PDHX: variants seen among roughly 807,000 people sequenced by gnomAD.
The protein encoded by PDHX is pyruvate dehydrogenase complex component X.
PDHX carries 33 observed loss-of-function variants against 55.3 expected under a neutral mutation model. That is an observed-to-expected ratio of 0.60 (90% confidence interval 0.45 to 0.80). PDHX has a LOEUF of 0.80. PDHX is among the 30% of genes least tolerant of loss of function. The pLI is 0.00. For synonymous variants in PDHX, 226 were observed against 219.4 expected, an observed-to-expected ratio of 1.03 and a Z score of -0.27; for missense variants, 622 against 619.9, an observed-to-expected ratio of 1.00 and a Z score of -0.04.
chr11:34,969,211 T>C (rs548838625), intron 6 of PDHX, among the ~76,000 whole-genome samples: 11 of 152,340 alleles, frequency 7.2e-5, no homozygotes, highest in African/African-American at 2.6e-4. Flanking sequence ...GTGTATTAAA[T>C]GCACTTTGAC....
intron 1 of PDHX, among the ~76,000 whole-genome samples, chr11:34,924,826 T>G (rs1853980823): frequency 6.6e-6 from 1 of 152,206 alleles, no homozygotes; most frequent in African/African-American, 2.4e-5. Context: ...CCAGTCTTCC[T>G]TAGAAGTAAC....
chr11:34,976,269 G>A (rs1408759136), intron 7 of PDHX, among the ~76,000 whole-genome samples: 1 of 152,096 alleles, frequency 6.6e-6, no homozygotes, highest in Non-Finnish European at 1.5e-5. Flanking sequence ...CTGTATGCAT[G>A]CTTCACACTT....
intron 5 of PDHX, among the ~76,000 whole-genome samples, chr11:34,964,869 A>C (rs1461752969): frequency 1.3e-5 from 2 of 148,242 alleles, no homozygotes; most frequent in African/African-American, 2.5e-5. Context: ...AGCATAACTA[A>C]ATATTACATA....
At chr11:34,962,941 T>C (rs1855050329) in intron 5 of PDHX, among the ~76,000 whole-genome samples, 1 of 152,208 alleles carries the variant, frequency 6.6e-6, no homozygotes, top group Non-Finnish European at 1.5e-5. Context: ...AGTTAGGCTT[T>C]TAGTATTATT....
intron 3 of PDHX, among the ~76,000 whole-genome samples, chr11:34,957,038 T>C (rs965919990): frequency 1.3e-5 from 2 of 152,364 alleles, no homozygotes; most frequent in African/African-American, 4.8e-5. Flanking sequence ...GGTTAAGATA[T>C]GTAGCCACAG....
chr11:34,975,436 C>G (rs576369063), intron 7 of PDHX, among the ~76,000 whole-genome samples: 42 of 151,974 alleles, frequency 2.8e-4, no homozygotes, highest in African/African-American at 9.4e-4. Context: ...ATTCTTTTTT[C>G]TCTTTATGTT....
At chr11:34,972,588 G>A (rs183204718) in intron 7 of PDHX, among the ~76,000 whole-genome samples, 13 of 151,844 alleles carry the variant, frequency 8.6e-5, no homozygotes, top group African/African-American at 1.7e-4. Context: ...TACTAGAGAC[G>A]GTGTTTTAGC....
At chr11:34,983,824 G>A (rs139515552) in intron 8 of PDHX, among the ~76,000 whole-genome samples, 7,630 of 152,114 alleles carry the variant, frequency 0.05, 543 homozygotes, top group African/African-American at 0.16. Context: ...AGGAAGAATC[G>A]ATATTGTGAA....
intron 2 of PDHX, 92 bp downstream of exon 2, chr11:34,931,576 A>G (rs1854173035): frequency 2.9e-6 from 2 of 700,404 alleles, no homozygotes; most frequent in Admixed American, 2.4e-5. Context: ...GTTATACAGT[A>G]TGTGATATAA....
chr11:34,942,059 A>G (rs1854500440), intron 2 of PDHX: 7 of 152,356 alleles, frequency 4.6e-5, no homozygotes, highest in Admixed American at 4.6e-4. Context: ...AGGACCCTCT[A>G]TCCTAGCTGC....
intron 9 of PDHX, among the ~76,000 whole-genome samples, chr11:34,989,283 G>A (rs191487527): frequency 1.7e-4 from 26 of 152,342 alleles, no homozygotes; most frequent in African/African-American, 5.5e-4. Context: ...ATGACTGCAT[G>A]TATAGAGTTC....
At chr11:34,922,001 T>C (rs1853893068) in intron 1 of PDHX, among the ~76,000 whole-genome samples, 2 of 152,210 alleles carry the variant, frequency 1.3e-5, no homozygotes, top group African/African-American at 4.8e-5. Context: ...AGTGGATAAG[T>C]GGATGACCAC....
chr11:34,974,405 G>T (rs1590761901), intron 7 of PDHX, among the ~76,000 whole-genome samples: 1 of 152,112 alleles, frequency 6.6e-6, no homozygotes, highest in East Asian at 1.9e-4. Context: ...GTTAATTCAT[G>T]TGTTAATGGA....
At chr11:34,947,197 G>C (rs1854640258) in intron 2 of PDHX, among the ~76,000 whole-genome samples, 1 of 152,120 alleles carries the variant, frequency 6.6e-6, no homozygotes, top group Non-Finnish European at 1.5e-5. Context: ...TTCAGAGGTG[G>C]ATACACATTT....
intron 2 of PDHX, among the ~76,000 whole-genome samples, chr11:34,937,406 A>T (rs1345145669): frequency 6.7e-6 from 1 of 149,534 alleles, no homozygotes; most frequent in Non-Finnish European, 1.5e-5. Context: ...GGCCATGTGC[A>T]CCACTAGGGC....
In PDHX at chr11:34,969,766, TTG is replaced by T. The variant is rs375507777; in HGVS notation, c.817-362_817-361del. 3.9e-3 allele frequency among the ~76,000 whole-genome samples: 590 copies of T among 152,124 alleles called. 3 individuals are homozygous for T. The highest frequency in any genetic ancestry group is 4.3e-3 in the Non-Finnish European group (292 of 67,942). ...TATGTACACACACATATATTGCTCC[TTG>T]TGTGTGTGTGGTATGTGTGTGTGTA... On this transcript the variant is annotated intron_variant, in intron 6 of 10. Coordinates refer to ENST00000227868, the MANE Select transcript of PDHX (RefSeq NM_003477.3).
Position 34,969,791 on chromosome 11 carries a change from G to A in PDHX, c.817-348G>A, listed in dbSNP as rs372675145. Among the ~76,000 whole-genome samples, 9 of 152,084 alleles carry A rather than the reference G, an allele frequency of 5.9e-5. 1 individual carries two copies. In the East Asian group the frequency reaches 1.5e-3, roughly 26 times the overall value. ...TTGTGTGTGTGTGGTATGTGTGTGTGTACGTATATATACACACACAAACAC... is the reference window on the plus strand; with the variant it reads ...TTGTGTGTGTGTGGTATGTGTGTGTATACGTATATATACACACACAAACAC... On this transcript the variant is annotated intron_variant, in intron 6 of 10. Transcript: ENST00000227868.
rs367799373 is a variant in PDHX at position 34,952,287 on chromosome 11, C to G, written c.342+4681C>G. ...CAAGGAGGAACTGGTACCATTCCTT[C>G]TGAAACTATTCCAATCAATAGAAAA... On this transcript the variant is annotated intron_variant, in intron 3 of 10. Transcript: ENST00000227868. 8.5e-4 allele frequency among the ~76,000 whole-genome samples: 129 copies of G among 152,082 alleles called. 7 individuals carry two copies. The East Asian group carries it at 0.024, about 29-fold the overall frequency.
intron 3 of PDHX, among the ~76,000 whole-genome samples, chr11:34,951,517 C>T (rs1474665447): frequency 6.6e-6 from 1 of 151,906 alleles, no homozygotes; most frequent in Non-Finnish European, 1.5e-5. Flanking sequence ...TCTGTTCATA[C>T]CCTTTGCCCA....
Sources: gnomAD v4.1 joint callset for allele counts (sites outside exome capture counted in the v4.1 genomes callset) on GRCh38, gnomAD v4.1.1 for gene constraint, MANE v1.5 for transcripts, NCBI Gene and HGNC (gene_info 2026-07-23, HGNC 2026-07-21) for gene names.